Variants in CCDC171 observed in about 807,000 individuals in gnomAD.
CCDC171 encodes coiled-coil domain containing 171.
CCDC171 carries 177 observed loss-of-function variants against 168.2 expected under a neutral mutation model. That is an observed-to-expected ratio of 1.05 (90% CI 0.93 to 1.19). The LOEUF (loss-of-function observed/expected upper bound fraction) is 1.19, where lower values mean the gene tolerates loss of function less well. Ranked by LOEUF, CCDC171 falls within the 50% of genes most tolerant of loss-of-function variation. The pLI is 0.00. For missense variants in CCDC171, 1,991 were observed against 1,539.0 expected, an observed-to-expected ratio of 1.29 and a Z score of -4.91; for synonymous variants, 687 against 540.8, an observed-to-expected ratio of 1.27 and a Z score of -3.75.
At chr9:15,711,841 G>A (rs2052691301) in intron 11 of CCDC171, among the ~76,000 whole-genome samples, 1 of 152,154 alleles carries the variant, frequency 6.6e-6, no homozygotes, top group Non-Finnish European at 1.5e-5. Context: ...TTTTCTATCT[G>A]GTCACATGTA....
intron 10 of CCDC171, among the ~76,000 whole-genome samples, chr9:15,683,447 A>C (rs940338639): frequency 3.9e-5 from 6 of 152,016 alleles, no homozygotes; most frequent in Admixed American, 1.3e-4. Flanking sequence ...GGGCTAATAA[A>C]TATTCTATTC....
chr9:15,831,406 G>T (rs1397139187), intron 21 of CCDC171, among the ~76,000 whole-genome samples: 1 of 152,212 alleles, frequency 6.6e-6, no homozygotes, highest in Non-Finnish European at 1.5e-5. Flanking sequence ...CTTTAGAGCT[G>T]AAGAATTAAA....
chr9:15,642,616 A>T (rs565534998), intron 7 of CCDC171, among the ~76,000 whole-genome samples: 1 of 152,158 alleles, frequency 6.6e-6, no homozygotes, highest in East Asian at 1.9e-4. Flanking sequence ...AAATTTCATT[A>T]TGTCTATCAA....
At chr9:15,774,589 G>A (rs1217272050) in intron 18 of CCDC171, among the ~76,000 whole-genome samples, 2 of 152,214 alleles carry the variant, frequency 1.3e-5, no homozygotes, top group Non-Finnish European at 2.9e-5. Flanking sequence ...GTTTGATCCA[G>A]CAGTCTCACT....
chr9:15,742,771 G>A (rs1001411548), intron 16 of CCDC171, among the ~76,000 whole-genome samples: 1 of 151,958 alleles, frequency 6.6e-6, no homozygotes, highest in Non-Finnish European at 1.5e-5. Context: ...TCTCTTTTCC[G>A]AGTACATGTG....
chr9:15,893,076 A>G (rs1820434494), intron 24 of CCDC171, among the ~76,000 whole-genome samples: 1 of 152,198 alleles, frequency 6.6e-6, no homozygotes, highest in South Asian at 2.1e-4. Context: ...CGGTACTTGT[A>G]TAAGCACAGA....
chr9:15,747,670 G>T (rs1347793099), intron 18 of CCDC171, among the ~76,000 whole-genome samples: 4 of 152,146 alleles, frequency 2.6e-5, no homozygotes, highest in Non-Finnish European at 5.9e-5. Flanking sequence ...CCTGTTAGAA[G>T]GAAAACTAAC....
chr9:15,623,155 CTAT>C (rs2044642852), intron 6 of CCDC171, 109 bp from the exon 7 acceptor site: 2 of 645,848 alleles, frequency 3.1e-6, no homozygotes, highest in African/African-American at 1.8e-5. Context: ...ATAAATTAAC[CTAT>C]TATTATAGTT....
At chr9:15,936,439 T>C (rs901701942) in intron 25 of CCDC171, among the ~76,000 whole-genome samples, 1 of 151,910 alleles carries the variant, frequency 6.6e-6, no homozygotes, top group African/African-American at 2.4e-5. Context: ...AGAGAGCCAG[T>C]TCAGACCAGC....
chr9:15,659,724 A>T (rs573421553), intron 8 of CCDC171, among the ~76,000 whole-genome samples: 113 of 152,280 alleles, frequency 7.4e-4, no homozygotes, highest in African/African-American at 2.3e-3. Context: ...GTGCTCTTGA[A>T]TTTCATATCA....
the CCDC171 span, among the ~76,000 whole-genome samples, chr9:16,103,668 G>A: frequency 6.6e-6 from 1 of 152,190 alleles, no homozygotes; most frequent in African/African-American, 2.4e-5. Flanking sequence ...CTGCCGGGAT[G>A]TGAGCTCAGC....
intron 21 of CCDC171, among the ~76,000 whole-genome samples, chr9:15,793,679 A>G (rs1166726711): frequency 1.4e-5 from 2 of 145,616 alleles, no homozygotes; most frequent in East Asian, 2.0e-4. Context: ...CGTCCCAGGT[A>G]GCTTGGACTA....
chr9:15,712,293 A>C (rs1469003330), intron 11 of CCDC171, among the ~76,000 whole-genome samples: 1 of 152,120 alleles, frequency 6.6e-6, no homozygotes, highest in African/African-American at 2.4e-5. Context: ...AGGCTGATAA[A>C]AAATTCACCA....
Position 15,971,755 on chromosome 9 carries a change from GC to G in CCDC171, c.3904del (p.His1302MetfsTer3). 6.2e-7 allele frequency: 1 copy of G among 1,613,926 alleles called. No homozygotes were observed. Among genetic ancestry groups the G allele is most frequent in the Non-Finnish European group, 8.5e-7 (1 of 1,179,898 alleles). ...FLKETFINTV[P>X]HALTSSHSSP... ...TAAAGGAGACATTTATAAATACTGT[GC>G]CCCATGCTCTGACATCATCTCACTC... On this transcript the variant is annotated frameshift_variant, in exon 26 of 26. Transcript: ENST00000380701. LOFTEE classifies it high-confidence loss of function.
the CCDC171 span, among the ~76,000 whole-genome samples, chr9:16,107,589 A>G: frequency 6.6e-6 from 1 of 152,080 alleles, no homozygotes; most frequent in Admixed American, 6.5e-5. Context: ...AAATATACCC[A>G]TTTGTACGTA....
chr9:16,011,115 A>G (rs1832856644), intron 3 of CCDC171, among the ~76,000 whole-genome samples: 2 of 152,150 alleles, frequency 1.3e-5, no homozygotes, highest in African/African-American at 2.4e-5. Flanking sequence ...AGAAGGTGCA[A>G]CACATGCCCC....
At chr9:15,639,673 T>A (rs2046448100) in intron 7 of CCDC171, among the ~76,000 whole-genome samples, 1 of 152,148 alleles carries the variant, frequency 6.6e-6, no homozygotes, top group East Asian at 1.9e-4. Flanking sequence ...TCTGTTACCA[T>A]CCTCAGTGAC....
intron 11 of CCDC171, among the ~76,000 whole-genome samples, chr9:15,709,326 A>G (rs1168721727): frequency 6.6e-6 from 1 of 152,202 alleles, no homozygotes; most frequent in East Asian, 1.9e-4. Flanking sequence ...CAGAATTGAC[A>G]TTAGAAAATC....
chr9:15,903,937 T>C (rs1430820804), intron 24 of CCDC171, among the ~76,000 whole-genome samples: 2 of 151,942 alleles, frequency 1.3e-5, no homozygotes, highest in Non-Finnish European at 2.9e-5. Flanking sequence ...TGATGGAAGA[T>C]CAAATGAATG....
Sources: allele counts gnomAD v4.1 joint callset (sites outside exome capture counted in the v4.1 genomes callset), GRCh38; gene constraint gnomAD v4.1.1; transcripts MANE v1.5; gene names NCBI Gene and HGNC (gene_info 2026-07-23, HGNC 2026-07-21).